Variants in XKR9 observed in about 807,000 individuals in gnomAD.
XKR9 encodes the protein XK-related protein 9.
XKR9 carries 32 observed loss-of-function variants against 32.0 expected under a neutral mutation model. The ratio of observed to expected loss-of-function variants is 1.00; its 90% confidence interval spans 0.76 to 1.34. The LOEUF is 1.34. Ranked by LOEUF, XKR9 falls within the 40% of genes most tolerant of loss-of-function variation. The probability of loss-of-function intolerance (pLI) is 0.00; values close to 1 mark genes in which losing one functional copy is unlikely to be tolerated. For missense variants in XKR9, 546 were observed against 429.7 expected, an observed-to-expected ratio of 1.27 and a Z score of -2.39; for synonymous variants, 168 against 143.4, an observed-to-expected ratio of 1.17 and a Z score of -1.22.
chr8:71,001,444 G>A, the XKR9 span, among the ~76,000 whole-genome samples: 1 of 151,998 alleles, frequency 6.6e-6, no homozygotes, highest in African/African-American at 2.4e-5. Flanking sequence ...TGTATTTTTT[G>A]TAGACACAGC....
At chr8:70,754,155 C>G (rs916368986) in intron 2 of XKR9, among the ~76,000 whole-genome samples, 4 of 148,076 alleles carry the variant, frequency 2.7e-5, no homozygotes, top group African/African-American at 9.7e-5. Flanking sequence ...TGAGCAAACT[C>G]CCATTCACAA....
intron 2 of XKR9, among the ~76,000 whole-genome samples, chr8:70,743,878 C>G (rs1208204213): frequency 6.6e-6 from 1 of 151,956 alleles, no homozygotes; most frequent in Non-Finnish European, 1.5e-5. Context: ...AGATGTCGAC[C>G]TCTCTCCAGT....
chr8:70,923,394 A>T, the XKR9 span, among the ~76,000 whole-genome samples: 1 of 152,182 alleles, frequency 6.6e-6, no homozygotes, highest in East Asian at 1.9e-4. Context: ...TAGGGGTATC[A>T]ATAAGTAAAT....
the XKR9 span, among the ~76,000 whole-genome samples, chr8:70,832,200 A>G: frequency 0.017 from 2,544 of 152,200 alleles, 57 homozygotes; most frequent in African/African-American, 0.058. Flanking sequence ...TCACATTTGC[A>G]TTATTGTTCC....
the XKR9 span, among the ~76,000 whole-genome samples, chr8:70,815,054 G>T: frequency 6.6e-6 from 1 of 151,882 alleles, no homozygotes; most frequent in Non-Finnish European, 1.5e-5. Context: ...TCTCTATAAG[G>T]ACAAGTGTAA....
chr8:70,877,059 C>A, the XKR9 span, among the ~76,000 whole-genome samples: 1 of 152,158 alleles, frequency 6.6e-6, no homozygotes, highest in African/African-American at 2.4e-5. Context: ...TGACTCAGTT[C>A]TGCATGGCTG....
At chr8:70,761,776 A>G (rs747761868) in intron 2 of XKR9, among the ~76,000 whole-genome samples, 1 of 152,094 alleles carries the variant, frequency 6.6e-6, no homozygotes, top group Non-Finnish European at 1.5e-5. Flanking sequence ...GCCCATGCCC[A>G]TATCCTGAAT....
At chr8:70,816,546 T>C in the XKR9 span, among the ~76,000 whole-genome samples, 1 of 152,148 alleles carries the variant, frequency 6.6e-6, no homozygotes, top group Non-Finnish European at 1.5e-5. Context: ...TGAGATACTA[T>C]ATAAAACAAA....
At chr8:70,744,509 A>G (rs573539447) in intron 2 of XKR9, among the ~76,000 whole-genome samples, 2 of 152,202 alleles carry the variant, frequency 1.3e-5, no homozygotes, top group Admixed American at 6.5e-5. Context: ...ATCCAATCTC[A>G]GGCTTTTTCA....
At chr8:70,798,926 G>T in the XKR9 span, among the ~76,000 whole-genome samples, 1 of 152,194 alleles carries the variant, frequency 6.6e-6, no homozygotes. Context: ...TTTTGTACCA[G>T]TACCATGCTC....
chr8:70,729,080 A>G (rs536327588), intron 4 of XKR9, among the ~76,000 whole-genome samples: 20 of 152,342 alleles, frequency 1.3e-4, no homozygotes, highest in African/African-American at 4.8e-4. Context: ...TATTGGCTCT[A>G]TAAGTCAACC....
At chr8:70,972,776 TGA>T in the XKR9 span, among the ~76,000 whole-genome samples, 1 of 152,156 alleles carries the variant, frequency 6.6e-6, no homozygotes, top group Non-Finnish European at 1.5e-5. Flanking sequence ...TATTGACTTA[TGA>T]GTGTTAAACA....
chr8:70,678,631 A>G (rs1380201217), intron 2 of XKR9, among the ~76,000 whole-genome samples: 1 of 152,190 alleles, frequency 6.6e-6, no homozygotes, highest in Non-Finnish European at 1.5e-5. Context: ...TAGCATAAGA[A>G]ACCTGCTGCA....
intron 3 of XKR9, among the ~76,000 whole-genome samples, chr8:70,703,920 C>T (rs964894070): frequency 3.9e-5 from 6 of 152,146 alleles, no homozygotes; most frequent in Non-Finnish European, 7.4e-5. Flanking sequence ...TGGTACCTCA[C>T]GCCTGTAATC....
At chr8:70,727,422 A>T (rs1370284509) in intron 4 of XKR9, among the ~76,000 whole-genome samples, 1 of 151,236 alleles carries the variant, frequency 6.6e-6, no homozygotes, top group Non-Finnish European at 1.5e-5. Context: ...TTGTTTTGAG[A>T]CAGAGTCTCG....
the XKR9 span, among the ~76,000 whole-genome samples, chr8:70,797,186 G>C: frequency 6.6e-6 from 1 of 152,068 alleles, no homozygotes; most frequent in Non-Finnish European, 1.5e-5. Context: ...AAAAAATGAG[G>C]TAACAGTCAG....
At position 70,733,885 on chromosome 8, in the gene XKR9, C is replaced by T; in HGVS notation, c.583C>T (p.Leu195Phe). ...ALRKSLPDKKLLNGLCPKITY... is the reference protein window; with the variant it reads ...ALRKSLPDKKFLNGLCPKITY... ...AAGAAAATCCTTGCCTGACAAAAAGCTTCTTAATGGATTATGTCCCAAAAT... is the reference window on the plus strand; with the variant it reads ...AAGAAAATCCTTGCCTGACAAAAAGTTTCTTAATGGATTATGTCCCAAAAT... The change falls in exon 5 of 5, where the codon CTT (leucine) becomes TTT (phenylalanine). Residue 195 changes from leucine (L) to phenylalanine (F), a missense_variant. Physicochemically the swap from Leu to Phe is conservative, Grantham distance 22. Coordinates refer to ENST00000408926, the MANE Select transcript of XKR9 (RefSeq NM_001011720.2). 6.2e-7 allele frequency: 1 copy of T among 1,611,492 alleles called. No individual in the cohort carries two copies.
chr8:70,736,408 T>C (rs1806864347), downstream of XKR9, among the ~76,000 whole-genome samples: 1 of 152,124 alleles, frequency 6.6e-6, no homozygotes, highest in Non-Finnish European at 1.5e-5. Context: ...TTTCTCCCAT[T>C]TTGTAGGTTG....
At chr8:71,020,532 G>A in the XKR9 span, among the ~76,000 whole-genome samples, 1 of 152,176 alleles carries the variant, frequency 6.6e-6, no homozygotes, top group Non-Finnish European at 1.5e-5. Context: ...GTATAGGTCT[G>A]CACAAATAGG....
Sources: gnomAD v4.1 joint callset for allele counts (sites outside exome capture counted in the v4.1 genomes callset) on GRCh38, gnomAD v4.1.1 for gene constraint, MANE v1.5 for transcripts, NCBI Gene and HGNC (gene_info 2026-07-23, HGNC 2026-07-21) for gene names.